The following PACSIN2 variants were observed in gnomAD, a reference collection of about 807,000 sequenced individuals.
PACSIN2 encodes the protein protein kinase C and casein kinase substrate in neurons 2.
A neutral mutation model predicts 63.8 loss-of-function variants in PACSIN2; 25 were observed. The observed-to-expected ratio is 0.39, with a 90% CI of 0.29 to 0.55. The LOEUF is 0.55. Among genes scored for constraint, PACSIN2 ranks in the 20% least tolerant of loss-of-function variants. The pLI, the probability that PACSIN2 is intolerant of heterozygous loss-of-function variation, is 0.62. For missense variants in PACSIN2, 518 were observed against 646.9 expected, an observed-to-expected ratio of 0.80 and a Z score of 2.16; for synonymous variants, 255 against 256.2, an observed-to-expected ratio of 1.00 and a Z score of 0.05.
intron 1 of PACSIN2, among the ~76,000 whole-genome samples, chr22:42,942,765 C>T (rs547671029): frequency 6.6e-6 from 1 of 152,298 alleles, no homozygotes; most frequent in East Asian, 1.9e-4. Context: ...CTCATTTTTC[C>T]ATGTCTATCC....
intron 1 of PACSIN2, among the ~76,000 whole-genome samples, chr22:42,961,447 TAAAA>T (rs10678680): frequency 9.1e-5 from 11 of 121,194 alleles, no homozygotes; most frequent in South Asian, 5.5e-4. Context: ...AATGATCAAT[TAAAA>T]AAAAAAAAAA....
intron 1 of PACSIN2, among the ~76,000 whole-genome samples, chr22:42,931,928 T>C (rs192820992): frequency 2.6e-5 from 4 of 152,362 alleles, no homozygotes; most frequent in Admixed American, 2.6e-4. Context: ...TGTTTTCCCA[T>C]GGAAACTCAA....
chr22:43,013,429 TA>T (rs2146935686), intron 1 of PACSIN2, among the ~76,000 whole-genome samples: 1 of 152,168 alleles, frequency 6.6e-6, no homozygotes, highest in African/African-American at 2.4e-5. Context: ...ACTCTAGAAT[TA>T]AGTTTAAGTC....
chr22:42,962,090 G>C (rs1448010771), intron 1 of PACSIN2, among the ~76,000 whole-genome samples: 1 of 152,010 alleles, frequency 6.6e-6, no homozygotes, highest in Non-Finnish European at 1.5e-5. Flanking sequence ...GCAAGTTTGA[G>C]ACCAGCCTGG....
intron 1 of PACSIN2, among the ~76,000 whole-genome samples, chr22:43,007,154 T>A (rs1466605761): frequency 3.3e-5 from 5 of 151,684 alleles, no homozygotes; most frequent in African/African-American, 1.2e-4. Flanking sequence ...CAGGAGAATA[T>A]AAGGCAGGTC....
chr22:42,881,941 T>C (rs994440778), intron 7 of PACSIN2, among the ~76,000 whole-genome samples: 3 of 152,166 alleles, frequency 2.0e-5, no homozygotes, highest in African/African-American at 4.8e-5. Flanking sequence ...CAGTCAAACA[T>C]TCCCAACTAG....
intron 1 of PACSIN2, among the ~76,000 whole-genome samples, chr22:42,979,881 C>A (rs1261839325): frequency 6.6e-6 from 1 of 152,098 alleles, no homozygotes; most frequent in African/African-American, 2.4e-5. Context: ...GTCTGCAAAC[C>A]CCTGCTTATG....
intron 1 of PACSIN2, among the ~76,000 whole-genome samples, chr22:42,955,860 T>A (rs980756655): frequency 1.3e-5 from 2 of 152,196 alleles, no homozygotes; most frequent in African/African-American, 4.8e-5. Context: ...TGCTATTTTT[T>A]CTTCATGTGT....
intron 1 of PACSIN2, chr22:42,959,938 A>G (rs1265634993): frequency 6.6e-6 from 1 of 152,252 alleles, no homozygotes; most frequent in Non-Finnish European, 1.5e-5. Flanking sequence ...CTGCCGAGAT[A>G]AGGTCATTCC....
chr22:42,919,649 T>C (rs542122663), intron 1 of PACSIN2, among the ~76,000 whole-genome samples: 2 of 151,730 alleles, frequency 1.3e-5, no homozygotes, highest in African/African-American at 4.8e-5. Flanking sequence ...AGCATGCGCC[T>C]GTAATCTCAG....
chr22:42,947,360 TCTTTCAACCCCTCCA>T (rs1298209610), intron 1 of PACSIN2, among the ~76,000 whole-genome samples: 3 of 152,162 alleles, frequency 2.0e-5, no homozygotes, highest in Admixed American at 1.3e-4. Flanking sequence ...CGCTTCAGCT[TCTTTCAACCCCTCCA>T]CTTTCAGGCA....
chr22:43,013,150 G>T (rs1304633026), intron 1 of PACSIN2, among the ~76,000 whole-genome samples: 1 of 152,190 alleles, frequency 6.6e-6, no homozygotes, highest in Non-Finnish European at 1.5e-5. Context: ...AAGTGATAAA[G>T]TTCCAAGTCC....
At chr22:42,893,722 GT>G in intron 2 of PACSIN2, 109 bp from the exon 3 acceptor site, 1 of 1,041,788 alleles carries the variant, frequency 9.6e-7, no homozygotes, top group Non-Finnish European at 1.4e-6. Flanking sequence ...CTGGGGTCAT[GT>G]TTACCACACC....
At chr22:42,921,824 C>T (rs540671716) in intron 1 of PACSIN2, among the ~76,000 whole-genome samples, 15 of 152,064 alleles carry the variant, frequency 9.9e-5, no homozygotes, top group African/African-American at 2.9e-4. Flanking sequence ...CTGCAACCTC[C>T]GTCTCCCGGG....
intron 2 of PACSIN2, among the ~76,000 whole-genome samples, chr22:42,905,372 G>A (rs1164286845): frequency 6.6e-6 from 1 of 152,216 alleles, no homozygotes; most frequent in African/African-American, 2.4e-5. Context: ...GAGACCACTC[G>A]GGCTCGGGAG....
intron 1 of PACSIN2, among the ~76,000 whole-genome samples, chr22:42,996,828 A>C (rs901521970): frequency 1.3e-5 from 2 of 152,206 alleles, no homozygotes; most frequent in African/African-American, 4.8e-5. Flanking sequence ...TGCTGATCAA[A>C]ACCACACATC....
At chr22:42,879,968 C>T (rs564176573) in intron 7 of PACSIN2, among the ~76,000 whole-genome samples, 10 of 152,244 alleles carry the variant, frequency 6.6e-5, no homozygotes, top group African/African-American at 1.4e-4. Context: ...TCTCGGGTGG[C>T]GAACTGGCTT....
chr22:42,986,557 G>A (rs1016981943), intron 1 of PACSIN2, among the ~76,000 whole-genome samples: 4 of 152,132 alleles, frequency 2.6e-5, no homozygotes, highest in African/African-American at 9.7e-5. Context: ...GGCCCTGCAC[G>A]CTGCTGAGTG....
chr22:42,907,105 A>G (rs910849322), intron 2 of PACSIN2, among the ~76,000 whole-genome samples: 1 of 152,224 alleles, frequency 6.6e-6, no homozygotes, highest in African/African-American at 2.4e-5. Context: ...AAGCCACACC[A>G]GGCAGGGTCA....
Sources: gnomAD v4.1 joint callset for allele counts (sites outside exome capture counted in the v4.1 genomes callset) on GRCh38, gnomAD v4.1.1 for gene constraint, MANE v1.5 for transcripts, NCBI Gene and HGNC (gene_info 2026-07-23, HGNC 2026-07-21) for gene names.